The following CBFB variants were observed in gnomAD, a reference collection of about 807,000 sequenced individuals.
The protein encoded by CBFB is CBF-beta.
A neutral mutation model predicts 30.4 loss-of-function variants in CBFB; 9 were observed. The ratio of observed to expected loss-of-function variants is 0.30; its 90% CI spans 0.18 to 0.52. The LOEUF is 0.52. Ranked by LOEUF, CBFB falls within the 20% of genes least tolerant of loss-of-function variation. The pLI is 0.97. For synonymous variants in CBFB, 94 were observed against 84.0 expected (o/e 1.12, Z -0.65); for missense variants, 170 against 244.0 (o/e 0.70, Z 2.02).
chr16:67,074,252 G>C (rs538829386), intron 4 of CBFB, among the ~76,000 whole-genome samples: 1 of 151,190 alleles, frequency 6.6e-6, no homozygotes, highest in Non-Finnish European at 1.5e-5. Flanking sequence ...GGGGGCAGGG[G>C]GTAGGTCTCT....
chr16:67,094,699 A>G (rs1199785782), intron 5 of CBFB, among the ~76,000 whole-genome samples: 1 of 152,162 alleles, frequency 6.6e-6, no homozygotes, highest in African/African-American at 2.4e-5. Context: ...AGATGTTTAT[A>G]TCACCATCTC....
In CBFB at chr16:67,092,698, CTTTTTTTTTTTTT is replaced by C. The variant is rs777213321; in HGVS notation, c.496-5992_496-5980del. Among the ~76,000 whole-genome samples, 78 of 33,536 alleles carry C rather than the reference CTTTTTTTTTTTTT, an allele frequency of 2.3e-3. 1 individual carries two copies. Among genetic ancestry groups the C allele is most frequent in the African/African-American group, 7.1e-3 (62 of 8,728 alleles). The allele number at this position is 33,536 out of a possible 152,430, so 22.0% of individuals were successfully genotyped here. A position where few individuals can be genotyped will look rare whatever the true frequency, so the allele number is the denominator to read the frequency against. On this transcript the variant is annotated intron_variant, in intron 5 of 5. Transcript: ENST00000412916. ...CCAGGCTAGGTTACAGTGGTGCAAT[CTTTTTTTTTTTTT>C]TTTTTTTTTTTTTTTTTTTGAGATA...
At chr16:67,070,832 CAG>C (rs1961202668) in intron 4 of CBFB, among the ~76,000 whole-genome samples, 2 of 152,138 alleles carry the variant, frequency 1.3e-5, no homozygotes, top group Non-Finnish European at 2.9e-5. Context: ...GCCTGGGTGA[CAG>C]AGCAAGACAA....
intron 3 of CBFB, among the ~76,000 whole-genome samples, chr16:67,064,810 G>C (rs571274667): frequency 1.2e-4 from 18 of 152,084 alleles, no homozygotes; most frequent in Non-Finnish European, 1.8e-4. Flanking sequence ...GTGCAGAAAT[G>C]GGTTTTTGTT....
At chr16:67,095,451 A>G (rs1380250260) in intron 5 of CBFB, among the ~76,000 whole-genome samples, 1 of 152,132 alleles carries the variant, frequency 6.6e-6, no homozygotes, top group Non-Finnish European at 1.5e-5. Flanking sequence ...CAGGAGGCAG[A>G]GGTTGCAGTG....
chr16:67,056,108 G>A (rs1960715945), intron 3 of CBFB, among the ~76,000 whole-genome samples: 1 of 152,160 alleles, frequency 6.6e-6, no homozygotes, highest in South Asian at 2.1e-4. Context: ...TGTCAGTGTT[G>A]CTGTGATGTT....
chr16:67,035,423 G>A (rs1197311117), intron 2 of CBFB, among the ~76,000 whole-genome samples: 2 of 152,126 alleles, frequency 1.3e-5, no homozygotes, highest in Non-Finnish European at 2.9e-5. Flanking sequence ...ATTGATGTTA[G>A]TTCAGTTTCT....
At chr16:67,037,570 G>A (rs1290655167) in intron 3 of CBFB, among the ~76,000 whole-genome samples, 2 of 151,658 alleles carry the variant, frequency 1.3e-5, no homozygotes, top group South Asian at 4.1e-4. Context: ...CAGTTTCGAT[G>A]TTAGAAGTTT....
chr16:67,033,467 C>A (rs1966387742), intron 2 of CBFB, among the ~76,000 whole-genome samples: 1 of 151,860 alleles, frequency 6.6e-6, no homozygotes, highest in South Asian at 2.1e-4. Flanking sequence ...ATTACAGGCG[C>A]CTGCCACCAC....
At chr16:67,078,172 A>G (rs890232512) in intron 4 of CBFB, among the ~76,000 whole-genome samples, 1 of 152,208 alleles carries the variant, frequency 6.6e-6, no homozygotes, top group Non-Finnish European at 1.5e-5. Flanking sequence ...TAATACTGGT[A>G]ATTGCTGATT....
intron 4 of CBFB, among the ~76,000 whole-genome samples, chr16:67,075,644 A>G (rs1961374245): frequency 6.6e-6 from 1 of 152,212 alleles, no homozygotes; most frequent in Non-Finnish European, 1.5e-5. Flanking sequence ...ATGCATATTC[A>G]TCACAAAATA....
At position 67,029,727 on chromosome 16, in the gene CBFB, A is replaced by G. The variant is rs951069058; in HGVS notation, c.79A>G (p.Ile27Val). ...GATTTCGGGCCGTCTTGCCTTGCAG[A>G]TTAAGTACACGGGCTTCAGGGACCG... Reference protein sequence around the residue: ...FFRKLSRECEIKYTGFRDRPH... With the variant: ...FFRKLSRECEVKYTGFRDRPH... Residue 27 changes from isoleucine (I) to valine (V), a missense_variant and splice_region_variant, in exon 2 of 6, where the codon ATT (isoleucine) becomes GTT (valine). Ile to Val is a conservative substitution (Grantham distance 29). Coordinates refer to ENST00000412916, the MANE Select transcript of CBFB (RefSeq NM_022845.3). 4 of 1,590,448 alleles carry G rather than the reference A, an allele frequency of 2.5e-6. No individual in the cohort carries two copies. The highest frequency in any genetic ancestry group is 3.4e-6 in the Non-Finnish European group (4 of 1,170,156).
At chr16:67,034,224 CTG>C (rs929919818) in intron 2 of CBFB, among the ~76,000 whole-genome samples, 5 of 152,144 alleles carry the variant, frequency 3.3e-5, no homozygotes, top group Non-Finnish European at 5.9e-5. Flanking sequence ...TATGGTTACT[CTG>C]TGGTGAGAAG....
chr16:67,079,945 G>A (rs187792205), intron 4 of CBFB, among the ~76,000 whole-genome samples: 51 of 152,244 alleles, frequency 3.3e-4, no homozygotes, highest in Admixed American at 3.3e-3. Flanking sequence ...TCAGGAGTTC[G>A]AGACCAGCCG....
chr16:67,095,164 C>G (rs565562122), intron 5 of CBFB, among the ~76,000 whole-genome samples: 315 of 129,042 alleles, frequency 2.4e-3, no homozygotes, highest in Non-Finnish European at 4.3e-3. Context: ...GAGTTGAGAT[C>G]AGGCCATTGC....
chr16:67,079,363 G>A (rs774572410), intron 4 of CBFB, among the ~76,000 whole-genome samples: 1 of 152,002 alleles, frequency 6.6e-6, no homozygotes, highest in Non-Finnish European at 1.5e-5. Flanking sequence ...TTCTGTTTAC[G>A]TTATAGACAT....
intron 5 of CBFB, among the ~76,000 whole-genome samples, chr16:67,094,053 T>G (rs548783116): frequency 6.6e-6 from 1 of 152,068 alleles, no homozygotes; most frequent in Admixed American, 6.6e-5. Context: ...TAGCATTAAA[T>G]GTCCTCCCAG....
At chr16:67,081,906 C>A (rs1424720576) in intron 4 of CBFB, among the ~76,000 whole-genome samples, 1 of 149,422 alleles carries the variant, frequency 6.7e-6, no homozygotes, top group East Asian at 1.9e-4. Flanking sequence ...CTGCAACCTT[C>A]ACCTCCTGGG....
intron 3 of CBFB, among the ~76,000 whole-genome samples, chr16:67,048,071 T>A (rs928657053): frequency 6.0e-5 from 9 of 150,538 alleles, no homozygotes; most frequent in Non-Finnish European, 1.0e-4. Flanking sequence ...TCAAAAAAAA[T>A]AAAAATAAAA....
Sources: gnomAD v4.1 joint callset for allele counts (sites outside exome capture counted in the v4.1 genomes callset) on GRCh38, gnomAD v4.1.1 for gene constraint, MANE v1.5 for transcripts, NCBI Gene and HGNC (gene_info 2026-07-23, HGNC 2026-07-21) for gene names.